Variants in TSC22D2 observed in about 807,000 individuals in gnomAD.
TSC22D2 encodes the protein TSC22 domain family member 2.
A neutral mutation model predicts 50.1 loss-of-function variants in TSC22D2; 5 were observed. That is an observed-to-expected ratio of 0.10 (90% confidence interval 0.05 to 0.21). The LOEUF is 0.21. TSC22D2 is among the 10% of genes least tolerant of loss of function. The pLI is 1.00. For missense variants in TSC22D2, 1,003 were observed against 1,015.5 expected, an observed-to-expected ratio of 0.99 and a Z score of 0.17; for synonymous variants, 501 against 450.1, an observed-to-expected ratio of 1.11 and a Z score of -1.43.
intron 1 of TSC22D2, among the ~76,000 whole-genome samples, chr3:150,421,063 A>G (rs1463263428): frequency 6.6e-6 from 1 of 152,248 alleles, no homozygotes; most frequent in Non-Finnish European, 1.5e-5. Context: ...AGCCTGAGCG[A>G]CAAGAGTGAA....
In TSC22D2 at chr3:150,410,703, T is replaced by C; in HGVS notation, c.1353T>C (p.Pro451=). 6.3e-7 allele frequency: 1 copy of C among 1,575,840 alleles called. No homozygotes were observed. The highest frequency in any genetic ancestry group is 1.1e-5 in the South Asian group (1 of 87,096). Residue 451 remains proline, a synonymous_variant, in exon 1 of 3, where the codon CCT becomes CCC. Transcript: ENST00000688009. The part of the protein sequence containing the change: ...TGPAQGGQVA[P]CQPTGVPPAT... Reference sequence around the variant, plus strand: ...CAGCGCAAGGCGGGCAGGTCGCGCCTTGTCAGCCGACTGGAGTGCCCCCGG... The same window carrying C: ...CAGCGCAAGGCGGGCAGGTCGCGCCCTGTCAGCCGACTGGAGTGCCCCCGG...
rs1388617666 is a variant in TSC22D2 at position 150,459,507 on chromosome 3, A to G, written c.*871A>G. 1 of 149,894 alleles carries G rather than the reference A, an allele frequency of 6.7e-6. No individual in the cohort carries two copies. The highest frequency in any genetic ancestry group is 2.5e-5 in the African/African-American group (1 of 40,762). 9.3% of individuals were successfully genotyped at this position (149,894 alleles called of 1,614,324 possible). A position where few individuals can be genotyped will look rare whatever the true frequency, so the allele number is the denominator to read the frequency against. ...TCGGGTGGGAATAAAAAGCTGTGAAATTGTTCAACCTACTTTGTAACCAAA... is the reference window on the plus strand; with the variant it reads ...TCGGGTGGGAATAAAAAGCTGTGAAGTTGTTCAACCTACTTTGTAACCAAA... On this transcript the variant is annotated 3_prime_UTR_variant, in exon 3 of 3. Coordinates refer to ENST00000688009, the MANE Select transcript of TSC22D2 (RefSeq NM_001303264.2).
chr3:150,431,124 C>G (rs1180915275), intron 1 of TSC22D2, among the ~76,000 whole-genome samples: 1 of 144,992 alleles, frequency 6.9e-6, no homozygotes, highest in Non-Finnish European at 1.5e-5. Flanking sequence ...ACTCGGGAGG[C>G]TGAGGCAAGA....
intron 1 of TSC22D2, among the ~76,000 whole-genome samples, chr3:150,440,872 C>G (rs1720691972): frequency 6.6e-6 from 1 of 151,900 alleles, no homozygotes; most frequent in Non-Finnish European, 1.5e-5. Context: ...AAGGTTGAAT[C>G]TGCAATAATA....
At chr3:150,422,593 T>G (rs775472738) in intron 1 of TSC22D2, among the ~76,000 whole-genome samples, 2 of 152,220 alleles carry the variant, frequency 1.3e-5, no homozygotes, top group African/African-American at 2.4e-5. Context: ...ATCAAACCTT[T>G]GCTACTTTTA....
At chr3:150,448,434 T>C (rs1343931722) in intron 1 of TSC22D2, among the ~76,000 whole-genome samples, 2 of 152,044 alleles carry the variant, frequency 1.3e-5, no homozygotes, top group African/African-American at 2.4e-5. Context: ...CAGTGAACCA[T>C]GATCATGCCA....
chr3:150,423,075 C>T, intron 1 of TSC22D2: 3 of 1,613,088 alleles, frequency 1.9e-6, no homozygotes, highest in Non-Finnish European at 1.7e-6. Context: ...TTCTACCAAG[C>T]GTTCCATTTG....
At position 150,409,206 on chromosome 3, in the gene TSC22D2, C is replaced by T; in HGVS notation, c.-145C>T. ...CTCACCGGGCGGCCAGCGCCTGGAT[C>T]AGCCCGTGACTCTTAACAGCGGCGG... On this transcript the variant is annotated 5_prime_UTR_variant, in exon 1 of 3. Coordinates refer to ENST00000688009, the MANE Select transcript of TSC22D2 (RefSeq NM_001303264.2). The surrounding 1 kb of genome is among the most constrained non-coding windows in gnomAD (Gnocchi z 7.4). 1 of 887,048 alleles carries T rather than the reference C, an allele frequency of 1.1e-6. No individual in the cohort carries two copies. The highest frequency in any genetic ancestry group is 1.6e-6 in the Non-Finnish European group (1 of 614,064). 54.9% of individuals were successfully genotyped at this position (887,048 alleles called of 1,614,324 possible). A position where few individuals can be genotyped will look rare whatever the true frequency, so the allele number is the denominator to read the frequency against.
chr3:150,443,027 T>C (rs1382580972), intron 1 of TSC22D2, among the ~76,000 whole-genome samples: 1 of 152,206 alleles, frequency 6.6e-6, no homozygotes, highest in East Asian at 1.9e-4. Flanking sequence ...TCAGAATTTA[T>C]CTTCTGAGTT....
At position 150,458,635 on chromosome 3, in the gene TSC22D2, A is replaced by G; in HGVS notation, c.2270A>G (p.Ter757=). 6.2e-7 allele frequency: 1 copy of G among 1,613,796 alleles called. No homozygotes were observed. Among genetic ancestry groups the G allele is most frequent in the Non-Finnish European group, 8.5e-7 (1 of 1,179,862 alleles). The change falls in exon 3 of 3, where the codon TAA becomes TGA. Residue 757 remains the stop codon, a stop_retained_variant. Transcript: ENST00000688009. ...CAGCAGCCGAATGTCTCCTCAGCAT[A>G]AAGCTTTCTTAAGCCTCATTAAGAA... ...PPQQPNVSSA[*]
intron 1 of TSC22D2, among the ~76,000 whole-genome samples, chr3:150,426,600 C>G (rs11928948): frequency 0.15 from 22,657 of 152,144 alleles, 1,883 homozygotes; most frequent in Non-Finnish European, 0.2. Flanking sequence ...AGGCTTTAAC[C>G]TCATCGATAA....
chr3:150,426,229 T>A lies in TSC22D2; in HGVS notation c.1958+14921T>A, dbSNP rs58823268. Among the ~76,000 whole-genome samples the A allele has an allele frequency of 8.4e-3, 1,272 of 152,332 alleles. 20 individuals carry two copies. Among genetic ancestry groups the A allele is most frequent in the African/African-American group, 0.029 (1,225 of 41,570 alleles). ...AAAATAAATACTATAACTTACATAG[T>A]TAGCTTTCTGGGAGATTATCTTACT... On this transcript the variant is annotated intron_variant, in intron 1 of 2. Coordinates refer to ENST00000688009, the MANE Select transcript of TSC22D2 (RefSeq NM_001303264.2).
chr3:150,438,762 A>G (rs1720627227), intron 1 of TSC22D2, among the ~76,000 whole-genome samples: 1 of 152,066 alleles, frequency 6.6e-6, no homozygotes, highest in African/African-American at 2.4e-5. Flanking sequence ...GCTTAATTTT[A>G]TTGCTTTGGA....
intron 2 of TSC22D2, among the ~76,000 whole-genome samples, chr3:150,458,127 C>T (rs1228370439): frequency 6.6e-6 from 1 of 150,616 alleles, no homozygotes; most frequent in Non-Finnish European, 1.5e-5. Flanking sequence ...GCTTAGTTGA[C>T]AATTTAAGAA....
Position 150,459,124 on chromosome 3 carries a change from A to T in TSC22D2, c.*488A>T, listed in dbSNP as rs1312325854. ...TAATGTACATGAACAATGTCACAGA[A>T]CTTTTTTAATTTTTTTGAATAATTA... On this transcript the variant is annotated 3_prime_UTR_variant, in exon 3 of 3. Transcript: ENST00000688009. The T allele has an allele frequency of 6.6e-6, 1 of 152,630 alleles. No homozygotes were observed. Among genetic ancestry groups the T allele is most frequent in the Non-Finnish European group, 1.5e-5 (1 of 68,156 alleles). 9.5% of individuals were successfully genotyped at this position (152,630 alleles called of 1,614,324 possible).
At chr3:150,456,193 T>TG (rs1721183536) in intron 1 of TSC22D2, among the ~76,000 whole-genome samples, 1 of 117,720 alleles carries the variant, frequency 8.5e-6, no homozygotes, top group African/African-American at 3.3e-5. Context: ...TTTTTTTTTT[T>TG]TGTTTTTTTT....
Position 150,465,871 on chromosome 3 carries a change from C to A in TSC22D2, c.*7235C>A, listed in dbSNP as rs894024202. The A allele has an allele frequency of 6.6e-6, 1 of 152,036 alleles. No individual in the cohort carries two copies. The highest frequency in any genetic ancestry group is 1.5e-5 in the Non-Finnish European group (1 of 68,008). 9.4% of individuals were successfully genotyped at this position (152,036 alleles called of 1,614,324 possible). On this transcript the variant is annotated 3_prime_UTR_variant, in exon 3 of 3. Coordinates refer to ENST00000688009, the MANE Select transcript of TSC22D2 (RefSeq NM_001303264.2). ...TACCCATTTTATAATGCCCATTAGT[C>A]ATTTCTATTATCAGATCATAAAAAA...
chr3:150,459,806 A>G lies in TSC22D2; in HGVS notation c.*1170A>G, dbSNP rs1721329895. On this transcript the variant is annotated 3_prime_UTR_variant, in exon 3 of 3. Coordinates refer to ENST00000688009, the MANE Select transcript of TSC22D2 (RefSeq NM_001303264.2). ...ACAGGTAGTTTGGTGGAGCTGAGCTAGTGTACAATACACTAGTTGTAAAAA... is the reference window on the plus strand; with the variant it reads ...ACAGGTAGTTTGGTGGAGCTGAGCTGGTGTACAATACACTAGTTGTAAAAA... 7.2e-6 allele frequency: 1 copy of G among 138,592 alleles called. No individual in the cohort carries two copies. The highest frequency in any genetic ancestry group is 1.5e-5 in the Non-Finnish European group (1 of 65,092). 8.6% of individuals were successfully genotyped at this position (138,592 alleles called of 1,614,324 possible).
intron 1 of TSC22D2, among the ~76,000 whole-genome samples, chr3:150,456,336 C>T (rs1271239837): frequency 6.6e-6 from 1 of 151,920 alleles, no homozygotes; most frequent in Non-Finnish European, 1.5e-5. Flanking sequence ...CAGGCACCCG[C>T]CCCAAGCCTG....
Sources: allele counts gnomAD v4.1 joint callset (sites outside exome capture counted in the v4.1 genomes callset), GRCh38; gene constraint gnomAD v4.1.1; non-coding constraint Gnocchi (gnomAD v3.1); transcripts MANE v1.5; gene names NCBI Gene and HGNC (gene_info 2026-07-23, HGNC 2026-07-21).